Variants in ABCA10 observed in about 807,000 individuals in gnomAD.
ABCA10 encodes the protein ATP binding cassette subfamily A member 10, also known as ATP-binding cassette sub-family A member 10.
A neutral mutation model predicts 187.5 loss-of-function variants in ABCA10; 169 were observed. That is an observed-to-expected ratio of 0.90 (90% CI 0.80 to 1.02). ABCA10 has a LOEUF of 1.02. Ranked by LOEUF, ABCA10 falls within the 50% of genes least tolerant of loss-of-function variation. The pLI is 0.00. For missense variants in ABCA10, 1,727 were observed against 1,812.4 expected (o/e 0.95, Z 0.86); for synonymous variants, 574 against 601.8 (o/e 0.95, Z 0.68).
chr17:69,165,368 C>T (rs2074247721), intron 25 of ABCA10, among the ~76,000 whole-genome samples: 1 of 152,072 alleles, frequency 6.6e-6, no homozygotes, highest in Non-Finnish European at 1.5e-5. Flanking sequence ...TTTATTTTGT[C>T]TATTATAATA....
At chr17:69,237,515 A>G (rs979939578) in intron 1 of ABCA10, among the ~76,000 whole-genome samples, 2 of 152,144 alleles carry the variant, frequency 1.3e-5, no homozygotes, top group African/African-American at 4.8e-5. Context: ...TATAAAGACC[A>G]TCCCCCTCCC....
In ABCA10 at chr17:69,174,664, T is replaced by G; in HGVS notation, c.2991A>C (p.Leu997Phe). 4 of 1,611,780 alleles carry G rather than the reference T, an allele frequency of 2.5e-6. No homozygotes were observed. Among genetic ancestry groups the G allele is most frequent in the Non-Finnish European group, 3.4e-6 (4 of 1,178,742 alleles). The change falls in exon 24 of 39, where the codon TTA (leucine) becomes TTC (phenylalanine). Residue 997 changes from leucine (L) to phenylalanine (F), a missense_variant. Physicochemically the swap from Leu to Phe is conservative, Grantham distance 22. Coordinates refer to ENST00000690296, the MANE Select transcript of ABCA10 (RefSeq NM_001377321.1). ...LYFLILFSIH[L>F]IYYFIFLGFQ... ...ATCCCAGAAATATGAAGTAGTAAAT[T>G]AAATGTATTGAAAAGAGAATCAAGA...
At position 69,193,197 on chromosome 17, in the gene ABCA10, G is replaced by T. The variant is rs745885609; in HGVS notation, c.1693C>A (p.Arg565=). 4.3e-6 allele frequency: 7 copies of T among 1,613,878 alleles called. No individual in the cohort carries two copies. In the East Asian group the frequency reaches 1.3e-4, roughly 31 times the overall value. Residue 565 remains arginine, a synonymous_variant, in exon 15 of 39, where the codon CGA becomes AGA. Coordinates refer to ENST00000690296, the MANE Select transcript of ABCA10 (RefSeq NM_001377321.1). ...TGCTCCTTCAGGAGGCTCCACACTC[G>T]GTGTCTTGAAAAGGGATCCAATCCA... is the stretch of plus-strand genomic sequence containing the variant. The part of the protein sequence containing the change: ...TAGLDPFSRH[R]VWSLLKEHKV...
At chr17:69,237,747 T>C (rs2074880636) in intron 1 of ABCA10, among the ~76,000 whole-genome samples, 1 of 152,032 alleles carries the variant, frequency 6.6e-6, no homozygotes, top group Admixed American at 6.5e-5. Context: ...AATATTGGAG[T>C]AGGGTGGGCC....
At position 69,154,294 on chromosome 17, in the gene ABCA10, C is replaced by A. The variant is rs1470366916; in HGVS notation, c.3727G>T (p.Ala1243Ser). 6.2e-7 allele frequency: 1 copy of A among 1,611,400 alleles called. No homozygotes were observed. The highest frequency in any genetic ancestry group is 1.3e-5 in the African/African-American group (1 of 74,258). ...EVLGLLGHNG[A>S]GKSTSIKMIT... Reference sequence around the variant, plus strand: ...ATTTTAATGGAAGTACTTTTACCAGCTCCATTGTGTCCTAGTAATCCCAAA... The same window carrying A: ...ATTTTAATGGAAGTACTTTTACCAGATCCATTGTGTCCTAGTAATCCCAAA... The change falls in exon 31 of 39, where the codon GCT becomes TCT. Residue 1243 changes from alanine (A) to serine (S), a missense_variant. Physicochemically the swap from Ala to Ser is moderately conservative, Grantham distance 99. Coordinates refer to ENST00000690296, the MANE Select transcript of ABCA10 (RefSeq NM_001377321.1).
At chr17:69,197,437 T>A (rs2074514341) in intron 10 of ABCA10, among the ~76,000 whole-genome samples, 1 of 151,844 alleles carries the variant, frequency 6.6e-6, no homozygotes, top group South Asian at 2.1e-4. Context: ...GGAGAGAGGC[T>A]TTCCCTCAAT....
intron 21 of ABCA10, 41 bp downstream of exon 21, chr17:69,182,632 CAA>C (rs201767684): frequency 2.7e-6 from 4 of 1,497,494 alleles, no homozygotes; most frequent in Admixed American, 2.3e-5. Flanking sequence ...GCAAAAAAAA[CAA>C]AAAAAAACCA....
At chr17:69,159,377 T>A (rs796262412) in intron 27 of ABCA10, among the ~76,000 whole-genome samples, 1 of 150,760 alleles carries the variant, frequency 6.6e-6, no homozygotes, top group Non-Finnish European at 1.5e-5. Context: ...GAACAGAAAA[T>A]TTTTTTTAAG....
intron 2 of ABCA10, 38 bp downstream of exon 2, chr17:69,227,107 A>ATGG (rs2074799794): frequency 7.0e-6 from 1 of 143,792 alleles, no homozygotes; most frequent in Admixed American, 7.0e-5. Context: ...TTCATTTATT[A>ATGG]ATTATGGATA....
At chr17:69,165,426 T>C (rs1374896613) in intron 25 of ABCA10, among the ~76,000 whole-genome samples, 1 of 152,194 alleles carries the variant, frequency 6.6e-6, no homozygotes, top group Non-Finnish European at 1.5e-5. Flanking sequence ...AATTAACTGA[T>C]GATATGACTT....
chr17:69,177,995 A>ATATATATATATATGT (rs1555659760), intron 22 of ABCA10, among the ~76,000 whole-genome samples: 4 of 113,172 alleles, frequency 3.5e-5, no homozygotes, highest in Admixed American at 9.5e-5. Flanking sequence ...TATATATGTT[A>ATATATATATATATGT]TATATATATA....
intron 27 of ABCA10, among the ~76,000 whole-genome samples, chr17:69,162,838 C>CATATACATATACATATATATAT (rs375141032): frequency 1.3e-3 from 156 of 120,830 alleles, no homozygotes; most frequent in Non-Finnish European, 1.9e-3. Flanking sequence ...TATACATATA[C>CATATACATATACATATATATAT]ATATATATAT....
At chr17:69,150,663 T>C (rs541092717) in intron 36 of ABCA10, among the ~76,000 whole-genome samples, 9 of 152,292 alleles carry the variant, frequency 5.9e-5, no homozygotes, top group African/African-American at 1.9e-4. Context: ...TCTAACTCTC[T>C]AGGCCTGCAC....
intron 27 of ABCA10, among the ~76,000 whole-genome samples, chr17:69,158,986 C>T (rs1477554662): frequency 6.6e-6 from 1 of 151,668 alleles, no homozygotes; most frequent in Non-Finnish European, 1.5e-5. Context: ...TTTGGAAAAA[C>T]TTAAAATACA....
rs981289910 is a variant in ABCA10 at position 69,182,195 on chromosome 17, G to A, written c.2727C>T (p.Asn909=). The change falls in exon 22 of 39, where the codon AAC becomes AAT. Residue 909 remains asparagine, a synonymous_variant. Transcript: ENST00000690296. Reference sequence around the variant, plus strand: ...TCTCCATTTGAATAAGCTCCGTGAAGTTAAAAATTCCCATAAGGGCATTGC... The same window carrying A: ...TCTCCATTTGAATAAGCTCCGTGAAATTAAAAATTCCCATAAGGGCATTGC... The part of the protein sequence containing the change: ...IVSNALMGIF[N]FTELIQMEST... 31 of 1,595,414 alleles carry A rather than the reference G, an allele frequency of 1.9e-5. No homozygotes were observed. The highest frequency in any genetic ancestry group is 2.6e-5 in the Non-Finnish European group (31 of 1,170,714).
chr17:69,184,871 GTATA>G (rs1555660277), intron 20 of ABCA10, among the ~76,000 whole-genome samples: 90 of 148,148 alleles, frequency 6.1e-4, no homozygotes, highest in Non-Finnish European at 4.2e-4. Flanking sequence ...GTGTGTGTGT[GTATA>G]TATATACACA....
intron 22 of ABCA10, among the ~76,000 whole-genome samples, chr17:69,179,908 C>G (rs772375112): frequency 2.4e-4 from 36 of 152,076 alleles, no homozygotes; most frequent in Non-Finnish European, 4.1e-4. Context: ...TCAGTAAACC[C>G]AGCATACATT....
chr17:69,214,882 G>C, intron 8 of ABCA10, 31 bp from the exon 9 acceptor site: 1 of 1,432,402 alleles, frequency 7.0e-7, no homozygotes, highest in Non-Finnish European at 9.3e-7. Flanking sequence ...TAAAATGTTA[G>C]ATGAACTTAT....
rs1367349931 is a variant in ABCA10 at position 69,214,804 on chromosome 17, G to A, written c.906C>T (p.Pro302=). ...CTATCATTTTGTATGAATCCCCAGA[G>A]GGATCAGGAAAAATAACACCACTTA... ...NYLSGVIFPD[P]SGDSYKMIAT... Residue 302 remains proline (P), a synonymous_variant, in exon 9 of 39, where the codon CCC becomes CCT. Coordinates refer to ENST00000690296, the MANE Select transcript of ABCA10 (RefSeq NM_001377321.1). 1 of 1,506,282 alleles carries A rather than the reference G, an allele frequency of 6.6e-7. No homozygotes were observed. Among genetic ancestry groups the A allele is most frequent in the Non-Finnish European group, 8.8e-7 (1 of 1,132,890 alleles). 93.3% of individuals were successfully genotyped at this position (1,506,282 alleles called of 1,614,324 possible). A position where few individuals can be genotyped will look rare whatever the true frequency, so the allele number is the denominator to read the frequency against.
Sources: gnomAD v4.1 joint callset for allele counts (sites outside exome capture counted in the v4.1 genomes callset) on GRCh38, gnomAD v4.1.1 for gene constraint, MANE v1.5 for transcripts, NCBI Gene and HGNC (gene_info 2026-07-23, HGNC 2026-07-21) for gene names.